CACNA2D3: variants seen among roughly 807,000 people sequenced by gnomAD.
The protein encoded by CACNA2D3 is calcium voltage-gated channel auxiliary subunit alpha2delta 3.
CACNA2D3 carries 60 observed loss-of-function variants against 160.6 expected under a neutral mutation model. That is an observed-to-expected ratio of 0.37 (90% CI 0.30 to 0.46). The LOEUF is 0.46. CACNA2D3 is among the 20% of genes least tolerant of loss of function. The pLI is 1.00. For missense variants in CACNA2D3, 1,205 were observed against 1,365.0 expected (o/e 0.88, Z 1.85); for synonymous variants, 558 against 492.9 (o/e 1.13, Z -1.75).
intron 35 of CACNA2D3, among the ~76,000 whole-genome samples, chr3:55,065,741 G>GGGAAGGAAA (rs935745962): frequency 6.6e-6 from 1 of 151,620 alleles, no homozygotes; most frequent in Non-Finnish European, 1.5e-5. Context: ...AGGAAGGAAA[G>GGGAAGGAAA]GGAAGGAAAG....
chr3:54,722,947 C>T (rs959213817), intron 11 of CACNA2D3, among the ~76,000 whole-genome samples: 2 of 152,224 alleles, frequency 1.3e-5, no homozygotes, highest in Non-Finnish European at 2.9e-5. Context: ...CTGCTCTCTT[C>T]AGAGCCATCA....
chr3:54,270,917 T>A (rs1702610106), intron 2 of CACNA2D3, among the ~76,000 whole-genome samples: 1 of 152,238 alleles, frequency 6.6e-6, no homozygotes, highest in African/African-American at 2.4e-5. Context: ...TCCCTTTTTG[T>A]CACCCGTTGG....
At chr3:54,982,697 G>A (rs1391057308) in intron 29 of CACNA2D3, among the ~76,000 whole-genome samples, 1 of 151,688 alleles carries the variant, frequency 6.6e-6, no homozygotes, top group Non-Finnish European at 1.5e-5. Flanking sequence ...AGGGCTGCTG[G>A]TTGCCCATTT....
chr3:54,250,895 G>A (rs181042269), intron 2 of CACNA2D3, among the ~76,000 whole-genome samples: 39 of 152,236 alleles, frequency 2.6e-4, no homozygotes, highest in African/African-American at 8.7e-4. Context: ...GACAGCAGCT[G>A]GGTAGTGAGT....
At chr3:54,486,038 G>A (rs1191178986) in intron 4 of CACNA2D3, among the ~76,000 whole-genome samples, 1 of 152,140 alleles carries the variant, frequency 6.6e-6, no homozygotes, top group East Asian at 1.9e-4. Flanking sequence ...CCTATTCCGG[G>A]CTAGTCTCTG....
chr3:54,725,886 C>T (rs1219443042), intron 11 of CACNA2D3, among the ~76,000 whole-genome samples: 2 of 152,106 alleles, frequency 1.3e-5, no homozygotes, highest in African/African-American at 4.8e-5. Flanking sequence ...CACTCCTATT[C>T]AACATAGTAT....
At chr3:55,000,957 A>G (rs1702968488) in intron 31 of CACNA2D3, among the ~76,000 whole-genome samples, 1 of 152,144 alleles carries the variant, frequency 6.6e-6, no homozygotes, top group East Asian at 1.9e-4. Flanking sequence ...GCCCCCTACT[A>G]AATCTGGCTC....
chr3:54,155,881 C>A (rs903445218), intron 2 of CACNA2D3, among the ~76,000 whole-genome samples: 1 of 152,186 alleles, frequency 6.6e-6, no homozygotes, highest in Non-Finnish European at 1.5e-5. Context: ...GAAAGGGATA[C>A]CTCCCAGAAC....
At chr3:54,272,637 C>T (rs548070976) in intron 2 of CACNA2D3, 2 of 151,268 alleles carry the variant, frequency 1.3e-5, no homozygotes, top group South Asian at 4.2e-4. Flanking sequence ...GGTCTGGCTG[C>T]TTGGCTTCCC....
At chr3:54,979,849 C>A (rs1702469423) in intron 29 of CACNA2D3, among the ~76,000 whole-genome samples, 1 of 152,126 alleles carries the variant, frequency 6.6e-6, no homozygotes, top group Non-Finnish European at 1.5e-5. Flanking sequence ...TAAAACAAGA[C>A]AACAGTTGTC....
At chr3:54,268,622 G>A (rs1366928571) in intron 2 of CACNA2D3, among the ~76,000 whole-genome samples, 2 of 152,070 alleles carry the variant, frequency 1.3e-5, no homozygotes, top group Non-Finnish European at 2.9e-5. Flanking sequence ...ATTGGCCAGG[G>A]TGGTCTTGAA....
In CACNA2D3 at chr3:54,562,946, A is replaced by C. The variant is rs1702350702; in HGVS notation, c.676+15A>C. ...GCAGTATCCGGGTGAGTATACCTGC[A>C]TTGACAGTTATGACTCAGATTAATG... On this transcript the variant is annotated intron_variant, in intron 6 of 37. Coordinates refer to ENST00000474759, the MANE Select transcript of CACNA2D3 (RefSeq NM_018398.3). 1.9e-6 allele frequency: 3 copies of C among 1,610,258 alleles called. No individual in the cohort carries two copies. The African/African-American group carries it at 4.0e-5, about 21-fold the overall frequency.
intron 16 of CACNA2D3, among the ~76,000 whole-genome samples, chr3:54,840,789 C>T (rs1362224807): frequency 7.1e-6 from 1 of 140,588 alleles, no homozygotes; most frequent in African/African-American, 2.7e-5. Flanking sequence ...GTGGCATGAT[C>T]TCAGCTCACC....
rs183339674 is a variant in CACNA2D3 at position 54,144,103 on chromosome 3, T to C, written c.204+20509T>C. Among the ~76,000 whole-genome samples the C allele has an allele frequency of 6.3e-4, 96 of 152,350 alleles. No homozygotes were observed. In the East Asian group the frequency reaches 0.012, roughly 19 times the overall value. ...ATATTCACATTAAAATTTTGCAGCATTTCTTTCAGGCTGCTGAAAACTGAA... is the reference window on the plus strand; with the variant it reads ...ATATTCACATTAAAATTTTGCAGCACTTCTTTCAGGCTGCTGAAAACTGAA... On this transcript the variant is annotated intron_variant, in intron 2 of 37. Transcript: ENST00000474759.
At chr3:54,436,240 G>A (rs187312377) in intron 4 of CACNA2D3, among the ~76,000 whole-genome samples, 1 of 152,246 alleles carries the variant, frequency 6.6e-6, no homozygotes, top group African/African-American at 2.4e-5. Context: ...AACATCTCAC[G>A]CCAGTTAGAA....
At chr3:54,236,259 A>G (rs1701874279) in intron 2 of CACNA2D3, among the ~76,000 whole-genome samples, 1 of 152,232 alleles carries the variant, frequency 6.6e-6, no homozygotes, top group Non-Finnish European at 1.5e-5. Context: ...TGGAGCAGAA[A>G]AATGACATTA....
intron 2 of CACNA2D3, among the ~76,000 whole-genome samples, chr3:54,285,117 G>A (rs80004654): frequency 0.013 from 1,954 of 152,304 alleles, 47 homozygotes; most frequent in African/African-American, 0.044. Flanking sequence ...TGCGCGAGCC[G>A]AAGCAGGACG....
chr3:54,169,849 A>G (rs1253348154), intron 2 of CACNA2D3, among the ~76,000 whole-genome samples: 2 of 152,100 alleles, frequency 1.3e-5, no homozygotes, highest in African/African-American at 2.4e-5. Context: ...AAGAGGACAC[A>G]TTTCAGCCAA....
intron 18 of CACNA2D3, among the ~76,000 whole-genome samples, chr3:54,874,049 C>T (rs1699604498): frequency 6.6e-6 from 1 of 152,114 alleles, no homozygotes; most frequent in African/African-American, 2.4e-5. Context: ...TGCCCAGATG[C>T]AGAGAATTTC....
Sources: allele counts gnomAD v4.1 joint callset (sites outside exome capture counted in the v4.1 genomes callset), GRCh38; gene constraint gnomAD v4.1.1; transcripts MANE v1.5; gene names NCBI Gene and HGNC (gene_info 2026-07-23, HGNC 2026-07-21).